The following GBF1 variants were observed in gnomAD, a reference collection of about 807,000 sequenced individuals.
GBF1 encodes the protein Golgi-specific brefeldin A-resistance guanine nucleotide exchange factor 1.
Under a neutral mutation model 210.5 loss-of-function variants are expected in GBF1, and 114 were observed. That is an observed-to-expected ratio of 0.54 (90% CI 0.47 to 0.63). The LOEUF is 0.63. Among genes scored for constraint, GBF1 ranks in the 30% least tolerant of loss-of-function variants. The pLI is 0.00. For synonymous variants in GBF1, 850 were observed against 889.2 expected (o/e 0.96, Z 0.78); for missense variants, 1,851 against 2,357.7 (o/e 0.79, Z 4.45).
intron 3 of GBF1, among the ~76,000 whole-genome samples, chr10:102,338,814 C>T (rs1011544661): frequency 1.3e-5 from 2 of 151,818 alleles, no homozygotes; most frequent in Admixed American, 1.3e-4. Context: ...GGCGTGGTGG[C>T]GCTCATCAGT....
chr10:102,288,198 G>C (rs2076119025), intron 3 of GBF1, among the ~76,000 whole-genome samples: 1 of 152,150 alleles, frequency 6.6e-6, no homozygotes, highest in Non-Finnish European at 1.5e-5. Context: ...GCTCATGAGA[G>C]CACTTCAACT....
chr10:102,256,507 G>C (rs1353654094), intron 1 of GBF1, among the ~76,000 whole-genome samples: 1 of 145,916 alleles, frequency 6.9e-6, no homozygotes, highest in African/African-American at 2.6e-5. Context: ...CATTCTCTTT[G>C]TAAAAAAAAA....
the GBF1 span, chr10:102,230,705 C>A: frequency 1.9e-6 from 3 of 1,557,888 alleles, no homozygotes; most frequent in Non-Finnish European, 2.6e-6. Flanking sequence ...GCGGCCGAGG[C>A]ATAAGGGCAG....
Position 102,368,743 on chromosome 10 carries a change from T to C in GBF1, c.2884T>C (p.Cys962Arg). The C allele has an allele frequency of 6.2e-7, 1 of 1,610,468 alleles. No individual in the cohort carries two copies. The highest frequency in any genetic ancestry group is 8.5e-7 in the Non-Finnish European group (1 of 1,176,798). Residue 962 changes from cysteine (C) to arginine (R), a missense_variant, in exon 23 of 40, where the codon TGC becomes CGC. By Grantham distance (180) the Cys-to-Arg change is radical. Coordinates refer to ENST00000369983, the MANE Select transcript of GBF1 (RefSeq NM_001377137.1). Reference sequence around the variant, plus strand: ...GGATGGGGGGTAACATTACAGGAAGTGCGCCATGATCTCCGCCCACTATGG... The same window carrying C: ...GGATGGGGGGTAACATTACAGGAAGCGCGCCATGATCTCCGCCCACTATGG... ...IQKAISGFRK[C>R]AMISAHYGLS...
chr10:102,271,310 T>C (rs993472826), intron 3 of GBF1, among the ~76,000 whole-genome samples: 2 of 152,166 alleles, frequency 1.3e-5, no homozygotes, highest in Non-Finnish European at 2.9e-5. Context: ...GTGCTGGAAT[T>C]ACAGGCGTGA....
chr10:102,312,499 A>T (rs1205973054), intron 3 of GBF1, among the ~76,000 whole-genome samples: 1 of 152,090 alleles, frequency 6.6e-6, no homozygotes, highest in Non-Finnish European at 1.5e-5. Context: ...AATGCTACTA[A>T]AGTTTAGTTT....
intron 3 of GBF1, among the ~76,000 whole-genome samples, chr10:102,342,038 CTTTTT>C (rs762320060): frequency 7.2e-6 from 1 of 139,228 alleles, no homozygotes; most frequent in Non-Finnish European, 1.6e-5. Flanking sequence ...TTTTTATGTA[CTTTTT>C]TTTTTTTTTT....
At position 102,379,834 on chromosome 10, in the gene GBF1, G is replaced by A; in HGVS notation, c.4777-19G>A. The A allele has an allele frequency of 6.3e-7, 1 of 1,582,276 alleles. No homozygotes were observed. The highest frequency in any genetic ancestry group is 8.7e-7 in the Non-Finnish European group (1 of 1,151,540). ...TAGCTGAACCTCATAGGGAGACATTGCACATTTACCCCCACCAGGTGCTGT... is the reference window on the plus strand; with the variant it reads ...TAGCTGAACCTCATAGGGAGACATTACACATTTACCCCCACCAGGTGCTGT... On this transcript the variant is annotated intron_variant, in intron 35 of 39. Coordinates refer to ENST00000369983, the MANE Select transcript of GBF1 (RefSeq NM_001377137.1).
Position 102,362,497 on chromosome 10 carries a change from A to C in GBF1, c.1709A>C (p.Gln570Pro), listed in dbSNP as rs746072298. The change falls in exon 15 of 40, where the codon CAA becomes CCA. Residue 570 changes from glutamine (Q) to proline (P), a missense_variant. Physicochemically the swap from Gln to Pro is moderately conservative, Grantham distance 76. Transcript: ENST00000369983. ...CAGAATGCCTTCCCTGTGTCTGGTCAACTCTATACAACACACCTACTATCT... is the reference window on the plus strand; with the variant it reads ...CAGAATGCCTTCCCTGTGTCTGGTCCACTCTATACAACACACCTACTATCT... ...LSKNAFPVSG[Q>P]LYTTHLLSLD... 17 of 1,612,766 alleles carry C rather than the reference A, an allele frequency of 1.1e-5. No homozygotes were observed. Among genetic ancestry groups the C allele is most frequent in the Non-Finnish European group, 1.4e-5 (17 of 1,179,088 alleles).
chr10:102,276,401 C>T lies in GBF1; in HGVS notation c.163+16285C>T, dbSNP rs895434641. Among the ~76,000 whole-genome samples the T allele has an allele frequency of 7.9e-5, 12 of 151,232 alleles. 1 individual carries two copies. The highest frequency in any genetic ancestry group is 4.4e-5 in the Non-Finnish European group (3 of 67,930). On this transcript the variant is annotated intron_variant, in intron 3 of 39. Transcript: ENST00000369983. ...ATTAGCTGGGCATGGTGGCGGGCGC[C>T]TATAGTCACAGCTACTCAGGAGTCT... is the stretch of plus-strand genomic sequence containing the variant.
In GBF1 at chr10:102,366,331, G is replaced by T; in HGVS notation, c.2310-52G>T. 1 of 1,606,186 alleles carries T rather than the reference G, an allele frequency of 6.2e-7. No individual in the cohort carries two copies. Among genetic ancestry groups the T allele is most frequent in the South Asian group, 1.1e-5 (1 of 90,792 alleles). ...AGGAGGACAGTGACTAAAAGAGCCT[G>T]ACATGTGCAGCTTACACATTTTCAG... is the stretch of plus-strand genomic sequence containing the variant. On this transcript the variant is annotated intron_variant, in intron 18 of 39. Coordinates refer to ENST00000369983, the MANE Select transcript of GBF1 (RefSeq NM_001377137.1). The surrounding 1 kb of genome is among the most constrained non-coding windows in gnomAD (Gnocchi z 4.0).
intron 3 of GBF1, among the ~76,000 whole-genome samples, chr10:102,302,120 T>G (rs1284345684): frequency 6.6e-6 from 1 of 152,034 alleles, no homozygotes; most frequent in Non-Finnish European, 1.5e-5. Flanking sequence ...GAAAAACCAG[T>G]CAGGCGTGGC....
intron 4 of GBF1, among the ~76,000 whole-genome samples, chr10:102,349,359 C>T (rs1000734837): frequency 1.3e-5 from 2 of 151,934 alleles, no homozygotes; most frequent in African/African-American, 2.4e-5. Flanking sequence ...ATGGTGAAAC[C>T]CCATCTCTAC....
At chr10:102,231,186 C>T in the GBF1 span, 1 of 1,294,088 alleles carries the variant, frequency 7.7e-7, no homozygotes, top group Non-Finnish European at 1.0e-6. Context: ...GGCTTCCAGC[C>T]GGGGCCCTGC....
At chr10:102,304,890 T>C (rs1035288026) in intron 3 of GBF1, among the ~76,000 whole-genome samples, 15 of 151,396 alleles carry the variant, frequency 9.9e-5, no homozygotes, top group African/African-American at 3.4e-4. Flanking sequence ...TGCAAGCCTG[T>C]AGTCCCAGCT....
At chr10:102,233,524 G>A in the GBF1 span, among the ~76,000 whole-genome samples, 11 of 152,026 alleles carry the variant, frequency 7.2e-5, no homozygotes, top group East Asian at 3.9e-4. Flanking sequence ...GGCTGGTCTC[G>A]AACTCCTCAT....
rs2060102077 is a variant in GBF1, at chr10:102,369,700, T to G, written c.3151-11T>G. 4 of 1,613,056 alleles carry G rather than the reference T, an allele frequency of 2.5e-6. No individual in the cohort carries two copies. Among genetic ancestry groups the G allele is most frequent in the African/African-American group, 2.7e-5 (2 of 74,904 alleles). ...CACATGGAAAGAAATTATTTTGACT[T>G]ACTTTTCCAGGTAGAAGATTTCGTG... is the stretch of plus-strand genomic sequence containing the variant. On this transcript the variant is annotated splice_polypyrimidine_tract_variant and intron_variant, in intron 24 of 39. Transcript: ENST00000369983.
intron 3 of GBF1, among the ~76,000 whole-genome samples, chr10:102,341,408 C>G (rs926363524): frequency 6.6e-6 from 1 of 152,148 alleles, no homozygotes; most frequent in African/African-American, 2.4e-5. Flanking sequence ...CTAACCACAC[C>G]TTTACCTTTT....
At chr10:102,277,153 T>C (rs2075062075) in intron 3 of GBF1, among the ~76,000 whole-genome samples, 1 of 152,012 alleles carries the variant, frequency 6.6e-6, no homozygotes, top group Admixed American at 6.6e-5. Flanking sequence ...ATAGGTAGAC[T>C]CCATCTCTAC....
Sources: allele counts gnomAD v4.1 joint callset (sites outside exome capture counted in the v4.1 genomes callset), GRCh38; gene constraint gnomAD v4.1.1; non-coding constraint Gnocchi (gnomAD v3.1); transcripts MANE v1.5; gene names NCBI Gene and HGNC (gene_info 2026-07-23, HGNC 2026-07-21).